TRHDE: variants seen among roughly 807,000 people sequenced by gnomAD.
TRHDE encodes thyrotropin releasing hormone degrading enzyme.
TRHDE carries 72 observed loss-of-function variants against 125.7 expected under a neutral mutation model. The ratio of observed to expected loss-of-function variants is 0.57; its 90% CI spans 0.47 to 0.70. TRHDE has a LOEUF of 0.70. Ranked by LOEUF, TRHDE falls within the 30% of genes least tolerant of loss-of-function variation. TRHDE has a pLI of 0.00. For synonymous variants in TRHDE, 509 were observed against 509.1 expected (o/e 1.00, Z 0.00); for missense variants, 1,110 against 1,327.1 (o/e 0.84, Z 2.54).
At position 72,670,206 on chromosome 12, in the gene TRHDE, T is replaced by C. The variant is rs1875215312; in HGVS notation, c.*7011T>C. 1 of 151,872 alleles carries C rather than the reference T, an allele frequency of 6.6e-6. No homozygotes were observed. Among genetic ancestry groups the C allele is most frequent in the Non-Finnish European group, 1.5e-5 (1 of 67,858 alleles). 9.4% of individuals were successfully genotyped at this position (151,872 alleles called of 1,614,324 possible). On this transcript the variant is annotated 3_prime_UTR_variant, in exon 19 of 19. Transcript: ENST00000261180. ...TGATTTAGGAATTAAAAAGTAGCTGTTCTTTCAGTAAATAAGTGTTAATAA... is the reference window on the plus strand; with the variant it reads ...TGATTTAGGAATTAAAAAGTAGCTGCTCTTTCAGTAAATAAGTGTTAATAA...
intron 14 of TRHDE, 54 bp downstream of exon 14, chr12:72,621,259 T>C: frequency 8.9e-7 from 1 of 1,124,012 alleles, no homozygotes; most frequent in Non-Finnish European, 1.3e-6. Flanking sequence ...TATAATAATG[T>C]ACTACTAGTG....
chr12:72,399,901 T>C (rs1350875582), intron 3 of TRHDE, among the ~76,000 whole-genome samples: 2 of 152,192 alleles, frequency 1.3e-5, no homozygotes, highest in East Asian at 1.9e-4. Context: ...TATTTTAAAA[T>C]GTAGATGAAT....
intron 3 of TRHDE, among the ~76,000 whole-genome samples, chr12:72,444,030 C>T (rs1272219624): frequency 2.0e-5 from 3 of 151,800 alleles, no homozygotes; most frequent in Admixed American, 6.6e-5. Context: ...TATTTCCTTC[C>T]TCTTTTTGCA....
chr12:72,588,792 G>A (rs1871548713), intron 12 of TRHDE, among the ~76,000 whole-genome samples: 1 of 152,094 alleles, frequency 6.6e-6, no homozygotes, highest in Non-Finnish European at 1.5e-5. Context: ...CCTGAGACTG[G>A]GTAACTTATA....
intron 2 of TRHDE, among the ~76,000 whole-genome samples, chr12:72,199,416 G>A (rs1877510460): frequency 6.6e-6 from 1 of 152,176 alleles, no homozygotes; most frequent in Admixed American, 6.5e-5. Context: ...ACTAGGAGGA[G>A]AGTTATCAGG....
chr12:72,538,484 A>G (rs938165293), intron 6 of TRHDE, among the ~76,000 whole-genome samples: 5 of 152,032 alleles, frequency 3.3e-5, no homozygotes, highest in African/African-American at 1.2e-4. Flanking sequence ...AAACAAATAG[A>G]AAACAATTAT....
chr12:72,559,736 T>C (rs1202212883), intron 7 of TRHDE, among the ~76,000 whole-genome samples: 1 of 152,210 alleles, frequency 6.6e-6, no homozygotes, highest in African/African-American at 2.4e-5. Flanking sequence ...ATTTCAGATT[T>C]ATATCTCTAA....
At chr12:72,305,353 C>T (rs1488347319) in intron 2 of TRHDE, among the ~76,000 whole-genome samples, 2 of 152,168 alleles carry the variant, frequency 1.3e-5, no homozygotes, top group Admixed American at 6.5e-5. Flanking sequence ...TAAAAGGCTC[C>T]AGCCTAAGTC....
intron 2 of TRHDE, among the ~76,000 whole-genome samples, chr12:72,188,211 G>A (rs1192931811): frequency 2.0e-5 from 3 of 152,178 alleles, no homozygotes; most frequent in Non-Finnish European, 2.9e-5. Context: ...ATTATGATTT[G>A]GGGGATAGAG....
intron 2 of TRHDE, among the ~76,000 whole-genome samples, chr12:72,329,594 G>A (rs1357829350): frequency 6.6e-6 from 1 of 152,140 alleles, no homozygotes; most frequent in East Asian, 1.9e-4. Context: ...GACATTTATA[G>A]CTCATTCCTA....
At chr12:72,212,218 C>T (rs189959686) in intron 2 of TRHDE, among the ~76,000 whole-genome samples, 4 of 151,486 alleles carry the variant, frequency 2.6e-5, no homozygotes, top group East Asian at 3.9e-4. Flanking sequence ...TTGGCTTATA[C>T]GTGTTAAATT....
chr12:72,472,434 AT>A (rs752675243), intron 4 of TRHDE, among the ~76,000 whole-genome samples: 2 of 151,994 alleles, frequency 1.3e-5, no homozygotes, highest in African/African-American at 4.8e-5. Flanking sequence ...ATCTTAGAGA[AT>A]TTTTTTTGGT....
intron 2 of TRHDE, among the ~76,000 whole-genome samples, chr12:72,242,742 A>G (rs1206658147): frequency 1.3e-5 from 2 of 152,230 alleles, no homozygotes; most frequent in African/African-American, 4.8e-5. Context: ...TCCTTTCCCA[A>G]TCTGACTGGT....
intron 2 of TRHDE, among the ~76,000 whole-genome samples, chr12:72,141,579 T>C (rs1229156648): frequency 2.6e-5 from 4 of 152,254 alleles, no homozygotes; most frequent in African/African-American, 9.6e-5. Flanking sequence ...TTTGTGCCTC[T>C]GAAGCTGCAA....
chr12:72,247,527 T>C (rs1030426228), intron 2 of TRHDE, among the ~76,000 whole-genome samples: 1 of 152,144 alleles, frequency 6.6e-6, no homozygotes, highest in African/African-American at 2.4e-5. Context: ...GAAATTTTGA[T>C]TGGGATAGGC....
intron 3 of TRHDE, among the ~76,000 whole-genome samples, chr12:72,380,868 T>TTC (rs1358506428): frequency 2.6e-4 from 38 of 148,138 alleles, no homozygotes; most frequent in African/African-American, 9.0e-4. Context: ...TCTTTCTCTC[T>TTC]CTCTCTCTTC....
intron 3 of TRHDE, among the ~76,000 whole-genome samples, chr12:72,421,164 T>A (rs765491593): frequency 6.6e-5 from 10 of 152,056 alleles, no homozygotes; most frequent in Non-Finnish European, 1.5e-4. Context: ...CAACTCAAAT[T>A]TATGTCTTGG....
Position 72,429,368 on chromosome 12 carries a change from A to AATG in TRHDE, c.1316-40388_1316-40387insGAT, listed in dbSNP as rs560030184. Among the ~76,000 whole-genome samples, 24 of 147,722 alleles carry AATG rather than the reference A, an allele frequency of 1.6e-4. No individual in the cohort carries two copies. The South Asian group carries it at 3.6e-3, about 22-fold the overall frequency. ...TAATAATAATAATAATAATAATAATAATAATTTACAGAGAAGGAAATTAAA... is the reference window on the plus strand; with the variant it reads ...TAATAATAATAATAATAATAATAATAATGATAATTTACAGAGAAGGAAATTAAA... On this transcript the variant is annotated intron_variant, in intron 3 of 18. Coordinates refer to ENST00000261180, the MANE Select transcript of TRHDE (RefSeq NM_013381.3).
chr12:72,248,666 G>C (rs1232810917), intron 2 of TRHDE, among the ~76,000 whole-genome samples: 2 of 152,152 alleles, frequency 1.3e-5, no homozygotes, highest in Non-Finnish European at 2.9e-5. Context: ...TACAGGAAAA[G>C]GGGAGAATTG....
Sources: allele counts gnomAD v4.1 joint callset (sites outside exome capture counted in the v4.1 genomes callset), GRCh38; gene constraint gnomAD v4.1.1; transcripts MANE v1.5; gene names NCBI Gene and HGNC (gene_info 2026-07-23, HGNC 2026-07-21).